CEP95: variants seen among roughly 807,000 people sequenced by gnomAD.
CEP95 encodes the protein centrosomal protein of 95 kDa.
In CEP95, 98 loss-of-function variants were observed where a neutral mutation model predicts 111.2. That is an observed-to-expected ratio of 0.88 (90% CI 0.75 to 1.04). CEP95 has a LOEUF of 1.04. Among genes scored for constraint, CEP95 ranks in the 50% least tolerant of loss-of-function variants. The pLI, the probability that CEP95 is intolerant of heterozygous loss-of-function variation, is 0.00. For synonymous variants in CEP95, 323 were observed against 327.1 expected, an observed-to-expected ratio of 0.99 and a Z score of 0.14; for missense variants, 1,027 against 977.2, an observed-to-expected ratio of 1.05 and a Z score of -0.68.
intron 8 of CEP95, 90 bp from the exon 9 acceptor site, chr17:64,525,680 G>C: frequency 1.3e-6 from 1 of 775,538 alleles, no homozygotes; most frequent in Non-Finnish European, 2.1e-6. Flanking sequence ...ACGTAGCTTT[G>C]TGCCACAGTT....
intron 12 of CEP95, among the ~76,000 whole-genome samples, 161 bp from the exon 13 acceptor site, chr17:64,530,765 C>G (rs1968217573): frequency 6.6e-6 from 1 of 152,170 alleles, no homozygotes; most frequent in Non-Finnish European, 1.5e-5. Context: ...GTCTCATCCT[C>G]ACCGCACGCG....
rs782793249 is a variant in CEP95 at position 64,527,184 on chromosome 17, A to C, written c.1226A>C (p.Glu409Ala). ...DHKEENTGNE[E>A]VEDGTEETLS... ...AAAGAAGAAAATACTGGAAATGAGG[A>C]GGTAGAGGATGGAACTGAGGAGACA... is the stretch of plus-strand genomic sequence containing the variant. The change falls in exon 11 of 20, where the codon GAG becomes GCG. Residue 409 changes from glutamate to alanine, a missense_variant. By Grantham distance (107) the Glu-to-Ala change is moderately radical (BLOSUM62 -1). Transcript: ENST00000556440. 4 of 1,613,652 alleles carry C rather than the reference A, an allele frequency of 2.5e-6. No homozygotes were observed. In the East Asian group the frequency reaches 8.9e-5, roughly 36 times the overall value.
At position 64,516,759 on chromosome 17, in the gene CEP95, G is replaced by A. The variant is rs1555676390; in HGVS notation, c.404G>A (p.Gly135Glu). Residue 135 changes from glycine to glutamate, a missense_variant, in exon 5 of 20, where the codon GGA becomes GAA. Gly to Glu is a moderately conservative substitution (Grantham distance 98). Coordinates refer to ENST00000556440, the MANE Select transcript of CEP95 (RefSeq NM_138363.3). ...CAGTATTTTAAAGAATCTGATCGAG[G>A]AGAACGTTTGGAAGAGCCAGAAAGT... ...TEQYFKESDR[G>E]ERLEEPESTK... 6.2e-7 allele frequency: 1 copy of A among 1,612,538 alleles called. No individual in the cohort carries two copies. Among genetic ancestry groups the A allele is most frequent in the Admixed American group, 1.7e-5 (1 of 59,996 alleles).
intron 6 of CEP95, 35 bp from the exon 7 acceptor site, chr17:64,521,367 G>A (rs781909029): frequency 1.3e-6 from 2 of 1,528,298 alleles, no homozygotes; most frequent in South Asian, 2.4e-5. Flanking sequence ...TATTTTGATA[G>A]TTAAAAATTT....
chr17:64,509,747 G>GT (rs1205308102), intron 2 of CEP95, among the ~76,000 whole-genome samples: 30 of 149,346 alleles, frequency 2.0e-4, no homozygotes, highest in South Asian at 4.2e-4. Context: ...TGCCTGCTGT[G>GT]TTTTTTTTTT....
rs1967792539 is a variant in CEP95 at position 64,526,066 on chromosome 17, T to C, written c.1023-5T>C. The stretch of plus-strand genomic sequence containing the variant: ...TTTACTGTCAAATGGTCACTTTTAT[T>C]ACAGAAATGAAAACAGAGCTACAGC... On this transcript the variant is annotated splice_polypyrimidine_tract_variant and splice_region_variant and intron_variant, in intron 9 of 19. Coordinates refer to ENST00000556440, the MANE Select transcript of CEP95 (RefSeq NM_138363.3). 2.5e-6 allele frequency: 4 copies of C among 1,609,970 alleles called. No individual in the cohort carries two copies. In the Admixed American group the frequency reaches 6.8e-5, roughly 27 times the overall value.
rs2039036709 is a variant in CEP95, at chr17:64,514,346, T to G, written c.355T>G (p.Ser119Ala). Residue 119 changes from serine to alanine, a missense_variant, in exon 4 of 20, where the codon TCT becomes GCT. By Grantham distance (99) the Ser-to-Ala change is moderately conservative. Coordinates refer to ENST00000556440, the MANE Select transcript of CEP95 (RefSeq NM_138363.3). ...TCTTACAGAACGCATCAGTGAAACA[T>G]CTCATGAGAAAAGTAAGTTTAAGAA... ...EYLTERISET[S>A]HEKSETEQYF... 2 of 1,478,140 alleles carry G rather than the reference T, an allele frequency of 1.4e-6. No individual in the cohort carries two copies. Among genetic ancestry groups the G allele is most frequent in the South Asian group, 1.2e-5 (1 of 82,038 alleles). The allele number at this position is 1,478,140 out of a possible 1,614,324, so 91.6% of individuals were successfully genotyped here. A position where few individuals can be genotyped will look rare whatever the true frequency, so the allele number is the denominator to read the frequency against.
rs1299936031 is a variant in CEP95, at chr17:64,531,461, A to G, written c.1540-429A>G. On this transcript the variant is annotated intron_variant, in intron 13 of 19. Transcript: ENST00000556440. ...AAGTGAAATCATGGGGAAAATGCTT[A>G]TGCTAAAATATTCATGAACAAAACA... Among the ~76,000 whole-genome samples, 4 of 152,256 alleles carry G rather than the reference A, an allele frequency of 2.6e-5. No individual in the cohort carries two copies. In the East Asian group the frequency reaches 7.7e-4, roughly 29 times the overall value.
intron 12 of CEP95, 34 bp from the exon 13 acceptor site, chr17:64,530,892 T>C: frequency 7.7e-7 from 1 of 1,290,776 alleles, no homozygotes. Flanking sequence ...TGTATGTTTT[T>C]AATAACTGTA....
chr17:64,531,057 C>A, intron 13 of CEP95, 39 bp downstream of exon 13: 1 of 1,180,376 alleles, frequency 8.5e-7, no homozygotes, highest in South Asian at 1.4e-5. Flanking sequence ...GCCATTTGAT[C>A]AGATGAGTGG....
intron 1 of CEP95, 108 bp downstream of exon 1, chr17:64,507,224 C>T (rs1324226729): frequency 3.3e-6 from 5 of 1,527,028 alleles, no homozygotes; most frequent in Non-Finnish European, 3.5e-6. Flanking sequence ...GGCTCGTGAC[C>T]TTCAGACGCC....
intron 14 of CEP95, 131 bp from the exon 15 acceptor site, chr17:64,532,708 A>G (rs74904532): frequency 0.039 from 56,884 of 1,450,322 alleles, 1,451 homozygotes; most frequent in Admixed American, 0.14. Flanking sequence ...GCAAATTATT[A>G]TAAGTACATT....
rs868938232 is a variant in CEP95, at chr17:64,530,957, G to T, written c.1478G>T (p.Arg493Ile). The change falls in exon 13 of 20, where the codon AGA (arginine) becomes ATA (isoleucine). Residue 493 changes from arginine (R) to isoleucine (I), a missense_variant. Arg to Ile is a moderately conservative substitution (Grantham distance 97). Coordinates refer to ENST00000556440, the MANE Select transcript of CEP95 (RefSeq NM_138363.3). The stretch of plus-strand genomic sequence containing the variant: ...ACTGAAGCATTTGAAAGGGAACTAA[G>T]AAGACATAAAGTTCAAGAGAATATT... Reference protein sequence around the residue: ...AFTEAFERELRRHKVQENIGP... With the variant: ...AFTEAFERELIRHKVQENIGP... The T allele has an allele frequency of 6.4e-7, 1 of 1,560,274 alleles. No individual in the cohort carries two copies. Among genetic ancestry groups the T allele is most frequent in the Non-Finnish European group, 8.7e-7 (1 of 1,151,000 alleles).
chr17:64,522,659 C>T (rs1468218274), intron 7 of CEP95, 43 bp from the exon 8 acceptor site: 1 of 1,437,916 alleles, frequency 7.0e-7, no homozygotes, highest in Non-Finnish European at 9.7e-7. Flanking sequence ...TGGTTTATTT[C>T]TTAGAATTGC....
In CEP95 at chr17:64,530,961, A is replaced by G; in HGVS notation, c.1482A>G (p.Arg494=). Reference sequence around the variant, plus strand: ...AAGCATTTGAAAGGGAACTAAGAAGACATAAAGTTCAAGAGAATATTGGAC... The same window carrying G: ...AAGCATTTGAAAGGGAACTAAGAAGGCATAAAGTTCAAGAGAATATTGGAC... The part of the protein sequence containing the change: ...FTEAFERELR[R]HKVQENIGPL... Residue 494 remains arginine, a synonymous_variant, in exon 13 of 20, where the codon AGA becomes AGG. Transcript: ENST00000556440. 6.4e-7 allele frequency: 1 copy of G among 1,561,568 alleles called. No individual in the cohort carries two copies. Among genetic ancestry groups the G allele is most frequent in the East Asian group, 2.3e-5 (1 of 42,652 alleles).
At position 64,511,622 on chromosome 17, in the gene CEP95, G is replaced by T. The variant is rs141575794; in HGVS notation, c.256+1342G>T. Among the ~76,000 whole-genome samples, 1,058 of 152,200 alleles carry T rather than the reference G, an allele frequency of 7.0e-3. 6 individuals are homozygous for T. Among genetic ancestry groups the T allele is most frequent in the Non-Finnish European group, 0.012 (802 of 68,030 alleles). On this transcript the variant is annotated intron_variant, in intron 3 of 19. Coordinates refer to ENST00000556440, the MANE Select transcript of CEP95 (RefSeq NM_138363.3). Reference sequence around the variant, plus strand: ...TCAAACACACATGCTCTACAATTTTGTGCAGTTAACGCAATTATCACGTGG... The same window carrying T: ...TCAAACACACATGCTCTACAATTTTTTGCAGTTAACGCAATTATCACGTGG...
chr17:64,509,492 C>T (rs1445797981), intron 2 of CEP95, among the ~76,000 whole-genome samples: 1 of 152,206 alleles, frequency 6.6e-6, no homozygotes, highest in African/African-American at 2.4e-5. Context: ...CAATACCAGC[C>T]TGGCCAATAT....
Position 64,526,139 on chromosome 17 carries a change from CAG to C in CEP95, c.1093_1094del (p.Glu365ThrfsTer5). ...CCCCAGAGGCCAAGAAAGAGATTAA[CAG>C]AACAAGAATTACATGATGTATCAGA... On this transcript the variant is annotated frameshift_variant, in exon 10 of 20. Coordinates refer to ENST00000556440, the MANE Select transcript of CEP95 (RefSeq NM_138363.3). LOFTEE classifies it high-confidence loss of function. The C allele has an allele frequency of 1.9e-6, 3 of 1,613,666 alleles. No individual in the cohort carries two copies. The highest frequency in any genetic ancestry group is 2.5e-6 in the Non-Finnish European group (3 of 1,179,712).
Position 64,518,403 on chromosome 17 carries a change from T to C in CEP95, c.474-918T>C, listed in dbSNP as rs148557282. The stretch of plus-strand genomic sequence containing the variant: ...TAATAATAAAAGTTGCCAGACTGTT[T>C]TCCAAAAAGGCCATGACTGTACATT... On this transcript the variant is annotated intron_variant, in intron 5 of 19. Coordinates refer to ENST00000556440, the MANE Select transcript of CEP95 (RefSeq NM_138363.3). Among the ~76,000 whole-genome samples the C allele has an allele frequency of 5.3e-4, 80 of 152,334 alleles. 1 individual carries two copies. In the East Asian group the frequency reaches 0.01, roughly 20 times the overall value.
Sources: allele counts gnomAD v4.1 joint callset (sites outside exome capture counted in the v4.1 genomes callset), GRCh38; gene constraint gnomAD v4.1.1; transcripts MANE v1.5; gene names NCBI Gene and HGNC (gene_info 2026-07-23, HGNC 2026-07-21).